Variants in LPA observed in about 807,000 individuals in gnomAD.
LPA encodes apolipoprotein(a).
A neutral mutation model predicts 197.9 loss-of-function variants in LPA; 199 were observed. The observed-to-expected ratio is 1.01, with a 90% CI of 0.90 to 1.13. The LOEUF is 1.13. LPA is among the 50% of genes most tolerant of loss of function. The pLI is 0.00. For synonymous variants in LPA, 715 were observed against 639.5 expected, an observed-to-expected ratio of 1.12 and a Z score of -1.78; for missense variants, 1,853 against 1,785.8, an observed-to-expected ratio of 1.04 and a Z score of -0.68.
intron 16 of LPA, among the ~76,000 whole-genome samples, chr6:160,609,871 A>G (rs906059970): frequency 5.3e-5 from 8 of 151,746 alleles, no homozygotes; most frequent in African/African-American, 1.9e-4. Flanking sequence ...GGTTCTGCAG[A>G]ATTGTTTTTG....
At position 160,546,462 on chromosome 6, in the gene LPA, T is replaced by G. The variant is rs577272405; in HGVS notation, c.5305-929A>C. On this transcript the variant is annotated intron_variant, in intron 32 of 38. Transcript: ENST00000316300. ...CCAGGATCCTTTTTAATATCTTTTATAATAAATGGGTAAATAAAAGTAACG... is the reference window on the plus strand; with the variant it reads ...CCAGGATCCTTTTTAATATCTTTTAGAATAAATGGGTAAATAAAAGTAACG... 4.6e-5 allele frequency among the ~76,000 whole-genome samples: 7 copies of G among 152,252 alleles called. No homozygotes were observed. In the South Asian group the frequency reaches 1.5e-3, roughly 32 times the overall value.
intron 24 of LPA, among the ~76,000 whole-genome samples, chr6:160,586,868 G>A (rs546653536): frequency 6.6e-6 from 1 of 152,242 alleles, no homozygotes; most frequent in South Asian, 2.1e-4. Flanking sequence ...AGAAAACTGA[G>A]AGAAAACATC....
chr6:160,595,507 G>T lies in LPA; in HGVS notation c.3316C>A (p.Pro1106Thr). Residue 1106 changes from proline (P) to threonine (T), a missense_variant, in exon 21 of 39, where the codon CCA (proline) becomes ACA (threonine). Pro to Thr is a conservative substitution (Grantham distance 38, BLOSUM62 -1). Transcript: ENST00000316300. The part of the protein sequence containing the change: ...AGLTRNYCRN[P>T]DAEIRPWCYT... ...CACCAAGGGCGAATCTCAGCATCTG[G>T]ATTCCTGCAGTAGTTCCTGGTCAGG... 6.2e-7 allele frequency: 1 copy of T among 1,613,996 alleles called. No individual in the cohort carries two copies. Among genetic ancestry groups the T allele is most frequent in the Non-Finnish European group, 8.5e-7 (1 of 1,179,940 alleles).
intron 25 of LPA, among the ~76,000 whole-genome samples, chr6:160,586,160 T>C (rs950571567): frequency 5.9e-5 from 9 of 152,132 alleles, no homozygotes; most frequent in African/African-American, 2.2e-4. Flanking sequence ...GATGTTAGAA[T>C]ATCCATCTTG....
At chr6:160,590,205 C>T (rs1040057630) in intron 23 of LPA, among the ~76,000 whole-genome samples, 5 of 152,178 alleles carry the variant, frequency 3.3e-5, no homozygotes, top group African/African-American at 1.2e-4. Flanking sequence ...GGCAAAGACA[C>T]ATTGTCTCTC....
intron 16 of LPA, among the ~76,000 whole-genome samples, chr6:160,608,786 C>T (rs1239224024): frequency 1.3e-5 from 2 of 150,330 alleles, no homozygotes; most frequent in Non-Finnish European, 3.0e-5. Context: ...CTGTGAGGTT[C>T]GGTTGGTTTT....
intron 28 of LPA, among the ~76,000 whole-genome samples, chr6:160,560,086 A>G (rs1455653722): frequency 6.6e-6 from 1 of 152,196 alleles, no homozygotes; most frequent in Non-Finnish European, 1.5e-5. Flanking sequence ...GATGGTTTCC[A>G]GCTTCATCCA....
At chr6:160,594,191 A>G in intron 21 of LPA, 74 bp from the exon 22 acceptor site, 1 of 1,566,330 alleles carries the variant, frequency 6.4e-7, no homozygotes, top group African/African-American at 1.4e-5. Flanking sequence ...TCTGTGACTG[A>G]AACAGGATCA....
chr6:160,659,499 G>A (rs961251816), intron 1 of LPA, among the ~76,000 whole-genome samples: 3 of 152,240 alleles, frequency 2.0e-5, no homozygotes, highest in Admixed American at 2.0e-4. Flanking sequence ...CTTGCCTGGT[G>A]AAGAGTAGCA....
At chr6:160,537,650 G>A (rs930299473) in intron 37 of LPA, among the ~76,000 whole-genome samples, 1 of 152,184 alleles carries the variant, frequency 6.6e-6, no homozygotes, top group African/African-American at 2.4e-5. Context: ...AAAAGAGAGA[G>A]ACTCAAGGAA....
intron 28 of LPA, among the ~76,000 whole-genome samples, chr6:160,561,173 TG>T (rs758596771): frequency 1.2e-4 from 18 of 152,172 alleles, no homozygotes; most frequent in Non-Finnish European, 2.4e-4. Context: ...CCTCCCAAAG[TG>T]TCTTCTAGGG....
chr6:160,584,873 A>T (rs544023417), intron 26 of LPA, among the ~76,000 whole-genome samples, 173 bp downstream of exon 26: 1 of 152,210 alleles, frequency 6.6e-6, no homozygotes, highest in East Asian at 1.9e-4. Context: ...TAGCAATCCT[A>T]AAACTTCTCT....
chr6:160,557,390 C>G lies in LPA; in HGVS notation c.4813G>C (p.Ala1605Pro). 1.2e-6 allele frequency: 2 copies of G among 1,611,834 alleles called. No individual in the cohort carries two copies. Among genetic ancestry groups the G allele is most frequent in the Non-Finnish European group, 8.5e-7 (1 of 1,179,188 alleles). Reference sequence around the variant, plus strand: ...AGATATCTGGCCACAGACTTCTTACCTGCTTCAGAATGAGCCTCCATGCTT... The same window carrying G: ...AGATATCTGGCCACAGACTTCTTACGTGCTTCAGAATGAGCCTCCATGCTT... ...VPSMEAHSEA[A>P]PTEQTPVVRQ... Residue 1605 changes from alanine (A) to proline (P), a missense_variant and splice_region_variant, in exon 29 of 39, where the codon GCA (alanine) becomes CCA (proline). By Grantham distance (27) the Ala-to-Pro change is conservative (BLOSUM62 -1). Coordinates refer to ENST00000316300, the MANE Select transcript of LPA (RefSeq NM_005577.4).
At position 160,600,122 on chromosome 6, in the gene LPA, A is replaced by T. The variant is rs538764563; in HGVS notation, c.3128-463T>A. 5.3e-5 allele frequency among the ~76,000 whole-genome samples: 8 copies of T among 152,320 alleles called. No individual in the cohort carries two copies. In the South Asian group the frequency reaches 1.7e-3, roughly 32 times the overall value. On this transcript the variant is annotated intron_variant, in intron 19 of 38. Transcript: ENST00000316300. ...TAGATGATTGCTCAAAAAAGAAAGC[A>T]TTAAACTCCTGGTGATGGGGCAGAC...
At chr6:160,634,501 A>G (rs1183339305) in intron 7 of LPA, among the ~76,000 whole-genome samples, 1 of 137,430 alleles carries the variant, frequency 7.3e-6, no homozygotes, top group African/African-American at 3.0e-5. Flanking sequence ...CCTGAATTGC[A>G]GTAAAGGAGA....
intron 22 of LPA, among the ~76,000 whole-genome samples, chr6:160,592,729 C>G (rs143757003): frequency 4.6e-5 from 7 of 152,232 alleles, no homozygotes; most frequent in African/African-American, 1.7e-4. Flanking sequence ...CATTTGGATC[C>G]TTTTAGACTG....
Position 160,560,362 on chromosome 6 carries a change from C to T in LPA, c.4632-2791G>A, listed in dbSNP as rs538602645. ...TGGTTCTAGATCCTTGAGGAATCACCGCACTGTCTTCCACAATGGTTGAAC... is the reference window on the plus strand; with the variant it reads ...TGGTTCTAGATCCTTGAGGAATCACTGCACTGTCTTCCACAATGGTTGAAC... On this transcript the variant is annotated intron_variant, in intron 28 of 38. Coordinates refer to ENST00000316300, the MANE Select transcript of LPA (RefSeq NM_005577.4). Among the ~76,000 whole-genome samples, 227 of 152,268 alleles carry T rather than the reference C, an allele frequency of 1.5e-3. 4 individuals are homozygous for T. The South Asian group carries it at 0.045, about 30-fold the overall frequency.
intron 16 of LPA, among the ~76,000 whole-genome samples, chr6:160,610,778 A>G (rs1230898643): frequency 6.6e-6 from 1 of 152,166 alleles, no homozygotes; most frequent in Non-Finnish European, 1.5e-5. Flanking sequence ...TATTCAGTGC[A>G]GGAAGGGTAT....
chr6:160,660,044 T>C (rs1489623761), intron 1 of LPA, among the ~76,000 whole-genome samples: 2 of 152,258 alleles, frequency 1.3e-5, no homozygotes, highest in African/African-American at 4.8e-5. Context: ...TGCAAATCAT[T>C]ATTAAGAATA....
Sources: allele counts gnomAD v4.1 joint callset (sites outside exome capture counted in the v4.1 genomes callset), GRCh38; gene constraint gnomAD v4.1.1; transcripts MANE v1.5; gene names NCBI Gene and HGNC (gene_info 2026-07-23, HGNC 2026-07-21).